The following ESRRG variants were observed in gnomAD, a reference collection of about 807,000 sequenced individuals.
The protein encoded by ESRRG is estrogen-related receptor gamma.
Under a neutral mutation model 44.0 loss-of-function variants are expected in ESRRG, and 13 were observed. The observed-to-expected ratio is 0.30, with a 90% CI of 0.19 to 0.47. The LOEUF (loss-of-function observed/expected upper bound fraction) is 0.47, where lower values mean the gene tolerates loss of function less well. ESRRG is among the 20% of genes least tolerant of loss of function. The pLI is 1.00. For synonymous variants in ESRRG, 215 were observed against 214.6 expected (o/e 1.00, Z -0.02); for missense variants, 395 against 580.6 (o/e 0.68, Z 3.29).
chr1:217,105,208 A>G (rs2151575034), intron 1 of ESRRG, among the ~76,000 whole-genome samples: 1 of 152,264 alleles, frequency 6.6e-6, no homozygotes, highest in East Asian at 1.9e-4. Flanking sequence ...AACTTCAATA[A>G]CTAAACTCCT....
intron 2 of ESRRG, among the ~76,000 whole-genome samples, chr1:216,895,426 G>GA (rs2058308392): frequency 6.6e-6 from 1 of 152,090 alleles, no homozygotes; most frequent in Non-Finnish European, 1.5e-5. Context: ...CAATTAGGGT[G>GA]AAAAAATCTT....
chr1:216,689,808 TG>T (rs1201723462), intron 1 of ESRRG, among the ~76,000 whole-genome samples: 5 of 152,114 alleles, frequency 3.3e-5, no homozygotes, highest in African/African-American at 1.2e-4. Flanking sequence ...ATTATACAGA[TG>T]AAAAAACATA....
rs1388317635 is a variant in ESRRG, at chr1:216,779,729, A to T, written c.-13-102238T>A. The stretch of plus-strand genomic sequence containing the variant: ...CAATTTAGTCACAAATATTGAGGTA[A>T]TTAGAAGTATCTTTGGGATCACAAA... On this transcript the variant is annotated intron_variant, in intron 2 of 7. Transcript: ENST00000359162. Among the ~76,000 whole-genome samples the T allele has an allele frequency of 3.4e-5, 5 of 148,936 alleles. No individual in the cohort carries two copies. The Admixed American group carries it at 3.5e-4, about 10-fold the overall frequency.
intron 1 of ESRRG, among the ~76,000 whole-genome samples, chr1:217,104,912 C>G (rs2092567494): frequency 6.6e-6 from 1 of 152,160 alleles, no homozygotes. Flanking sequence ...AGTAACAAAT[C>G]TTGGGGAAAG....
At chr1:216,553,266 A>G (rs2149408222) in intron 5 of ESRRG, among the ~76,000 whole-genome samples, 2 of 152,280 alleles carry the variant, frequency 1.3e-5, no homozygotes, top group South Asian at 4.1e-4. Flanking sequence ...ACTTCAGGTA[A>G]TTAATCCTTT....
intron 3 of ESRRG, among the ~76,000 whole-genome samples, chr1:216,585,814 G>A (rs922959036): frequency 6.6e-6 from 1 of 152,218 alleles, no homozygotes; most frequent in East Asian, 1.9e-4. Flanking sequence ...GCCGAGGTGG[G>A]CGGATCACGA....
intron 2 of ESRRG, among the ~76,000 whole-genome samples, chr1:216,798,663 C>T (rs1164927153): frequency 1.3e-5 from 2 of 152,048 alleles, no homozygotes; most frequent in African/African-American, 2.4e-5. Context: ...TGCAGAAGTC[C>T]AGATTGAGGT....
At chr1:217,115,132 T>C (rs1362400689) in intron 1 of ESRRG, among the ~76,000 whole-genome samples, 1 of 152,200 alleles carries the variant, frequency 6.6e-6, no homozygotes, top group Non-Finnish European at 1.5e-5. Flanking sequence ...AGGGAAAATA[T>C]GACTAGGCAT....
At chr1:216,954,778 G>A (rs1193272551) in intron 1 of ESRRG, among the ~76,000 whole-genome samples, 1 of 152,146 alleles carries the variant, frequency 6.6e-6, no homozygotes, top group Admixed American at 6.5e-5. Context: ...GACAGGCAGA[G>A]GAGTAAGTTG....
intron 1 of ESRRG, among the ~76,000 whole-genome samples, chr1:217,056,191 G>C (rs2087048051): frequency 6.6e-6 from 1 of 152,148 alleles, no homozygotes; most frequent in South Asian, 2.1e-4. Context: ...GAGCAGAAAA[G>C]CCTACTCACC....
chr1:216,596,574 C>A (rs541780832), intron 3 of ESRRG, among the ~76,000 whole-genome samples: 2 of 152,276 alleles, frequency 1.3e-5, no homozygotes, highest in Non-Finnish European at 2.9e-5. Context: ...TATCTCTAAA[C>A]CAATTTCTGT....
intron 3 of ESRRG, among the ~76,000 whole-genome samples, chr1:216,602,690 A>G (rs1352519171): frequency 6.6e-6 from 1 of 152,234 alleles, no homozygotes; most frequent in Non-Finnish European, 1.5e-5. Flanking sequence ...GACATACACT[A>G]TATATTACTA....
chr1:216,643,289 C>T (rs532455548), intron 3 of ESRRG, among the ~76,000 whole-genome samples: 1 of 152,234 alleles, frequency 6.6e-6, no homozygotes, highest in East Asian at 1.9e-4. Flanking sequence ...AAGGTGGAAA[C>T]AGAAAATATA....
chr1:216,688,157 T>A (rs904193032), intron 1 of ESRRG, among the ~76,000 whole-genome samples: 5 of 152,074 alleles, frequency 3.3e-5, no homozygotes, highest in African/African-American at 9.7e-5. Flanking sequence ...AAGAAAAAAA[T>A]TTCATTAAGA....
At chr1:217,085,584 G>A (rs1046954505) in intron 1 of ESRRG, among the ~76,000 whole-genome samples, 29 of 144,424 alleles carry the variant, frequency 2.0e-4, no homozygotes, top group African/African-American at 5.6e-4. Context: ...TCTACCTCCC[G>A]GGTGCAAGCC....
At chr1:216,606,986 A>G (rs2060018758) in intron 3 of ESRRG, among the ~76,000 whole-genome samples, 1 of 152,184 alleles carries the variant, frequency 6.6e-6, no homozygotes, top group African/African-American at 2.4e-5. Flanking sequence ...CCACAGATTG[A>G]TCTGTAGATA....
chr1:216,857,945 A>G (rs983334826), intron 2 of ESRRG, among the ~76,000 whole-genome samples: 14 of 152,180 alleles, frequency 9.2e-5, no homozygotes, highest in African/African-American at 3.1e-4. Context: ...TAAGTCAGAA[A>G]GTCTGAGTTG....
At chr1:216,679,053 A>T (rs1458089847) in intron 1 of ESRRG, among the ~76,000 whole-genome samples, 2 of 152,236 alleles carry the variant, frequency 1.3e-5, no homozygotes, top group African/African-American at 4.8e-5. Context: ...CTCTTACCAA[A>T]GATATTTCAC....
intron 3 of ESRRG, among the ~76,000 whole-genome samples, chr1:216,643,078 C>T (rs895576465): frequency 6.6e-6 from 1 of 152,196 alleles, no homozygotes; most frequent in Non-Finnish European, 1.5e-5. Flanking sequence ...AGAAGACTCT[C>T]AGAGTTCCCA....
Sources: allele counts gnomAD v4.1 joint callset (sites outside exome capture counted in the v4.1 genomes callset), GRCh38; gene constraint gnomAD v4.1.1; transcripts MANE v1.5; gene names NCBI Gene and HGNC (gene_info 2026-07-23, HGNC 2026-07-21).